The following NRG1 variants were observed in gnomAD, a reference collection of about 807,000 sequenced individuals.
NRG1 encodes pro-neuregulin-1, membrane-bound isoform.
In NRG1, 18 loss-of-function variants were observed where a neutral mutation model predicts 63.8. The observed-to-expected ratio is 0.28, with a 90% CI of 0.19 to 0.42. The LOEUF (loss-of-function observed/expected upper bound fraction) is 0.42. Ranked by LOEUF, NRG1 falls within the 10% of genes least tolerant of loss-of-function variation. The pLI, the probability that NRG1 is intolerant of heterozygous loss-of-function variation, is 1.00. For missense variants in NRG1, 762 were observed against 814.7 expected, an observed-to-expected ratio of 0.94 and a Z score of 0.79; for synonymous variants, 302 against 301.3, an observed-to-expected ratio of 1.00 and a Z score of -0.02.
At chr8:31,738,424 T>G (rs1814914576) in intron 1 of NRG1, among the ~76,000 whole-genome samples, 1 of 152,112 alleles carries the variant, frequency 6.6e-6, no homozygotes, top group Non-Finnish European at 1.5e-5. Flanking sequence ...ATGATAAAAA[T>G]CAAGGTATTT....
intron 1 of NRG1, among the ~76,000 whole-genome samples, chr8:31,881,052 C>A (rs1830308515): frequency 6.6e-6 from 1 of 152,120 alleles, no homozygotes; most frequent in African/African-American, 2.4e-5. Flanking sequence ...AACATTCATT[C>A]ATTCATTCAT....
At chr8:32,546,335 T>G (rs1481843899), upstream of NRG1, among the ~76,000 whole-genome samples, 1 of 152,116 alleles carries the variant, frequency 6.6e-6, no homozygotes, top group Non-Finnish European at 1.5e-5. Flanking sequence ...AAAATCTTAT[T>G]TTTTAAAAAA....
intron 6 of NRG1, among the ~76,000 whole-genome samples, chr8:32,730,951 C>T (rs1010215201): frequency 4.6e-5 from 7 of 152,092 alleles, no homozygotes; most frequent in African/African-American, 1.7e-4. Flanking sequence ...ATCTATGTCT[C>T]ATATTTTTAC....
At chr8:32,501,258 T>C (rs1240358579) in intron 1 of NRG1, among the ~76,000 whole-genome samples, 1 of 152,220 alleles carries the variant, frequency 6.6e-6, no homozygotes, top group Non-Finnish European at 1.5e-5. Flanking sequence ...TTTAAGATAA[T>C]AATGTGATAC....
intron 1 of NRG1, among the ~76,000 whole-genome samples, chr8:31,645,470 C>T (rs1421929521): frequency 6.6e-6 from 1 of 152,106 alleles, no homozygotes; most frequent in South Asian, 2.1e-4. Flanking sequence ...AAGACTTGCC[C>T]CCTGGATTTT....
intron 1 of NRG1, among the ~76,000 whole-genome samples, chr8:31,901,045 G>T (rs1239324925): frequency 6.6e-6 from 1 of 152,110 alleles, no homozygotes. Context: ...TTTTCTACTG[G>T]AAAGGTATCT....
Position 32,173,746 on chromosome 8 carries a change from G to A in NRG1, c.38-422082G>A, listed in dbSNP as rs543969587. ...ACAAAGATCAAAAGAGACAAAGAAG[G>A]CCATTACATAATGGTAAAGGGATCA... On this transcript the variant is annotated intron_variant, in intron 1 of 10. Transcript: ENST00000519301. 2.7e-4 allele frequency among the ~76,000 whole-genome samples: 41 copies of A among 152,252 alleles called. 1 individual carries two copies. The South Asian group carries it at 6.6e-3, about 25-fold the overall frequency.
intron 1 of NRG1, among the ~76,000 whole-genome samples, chr8:32,196,175 C>T (rs1374388827): frequency 2.0e-5 from 3 of 148,766 alleles, no homozygotes; most frequent in Non-Finnish European, 4.5e-5. Context: ...TTGATCTGTA[C>T]ACATACTTAC....
At chr8:32,224,399 T>A (rs1219457308) in intron 1 of NRG1, among the ~76,000 whole-genome samples, 1 of 152,188 alleles carries the variant, frequency 6.6e-6, no homozygotes. Flanking sequence ...GGAGTCTCAC[T>A]GACTACCTGT....
At chr8:31,653,558 G>T (rs1282839131) in intron 1 of NRG1, among the ~76,000 whole-genome samples, 1 of 152,180 alleles carries the variant, frequency 6.6e-6, no homozygotes, top group Non-Finnish European at 1.5e-5. Flanking sequence ...ATTTTTAATG[G>T]CCTTTCTATT....
Position 32,528,691 on chromosome 8 carries a change from T to C in NRG1, c.38-67137T>C, listed in dbSNP as rs141338559. The stretch of plus-strand genomic sequence containing the variant: ...TATATAATGTAAGGGGGTTTGGTTC[T>C]TGTCATATATAGAATACATATAGGT... On this transcript the variant is annotated intron_variant, in intron 1 of 10. Transcript: ENST00000519301. 5.7e-3 allele frequency among the ~76,000 whole-genome samples: 873 copies of C among 152,302 alleles called. 4 individuals are homozygous for C. The highest frequency in any genetic ancestry group is 0.02 in the African/African-American group (819 of 41,568).
chr8:32,698,295 G>T (rs566352575), intron 5 of NRG1, among the ~76,000 whole-genome samples: 1 of 152,034 alleles, frequency 6.6e-6, no homozygotes, highest in African/African-American at 2.4e-5. Flanking sequence ...CTTTTCTGTC[G>T]CATTCAAGGA....
chr8:32,111,435 T>A (rs1461440915), intron 1 of NRG1, among the ~76,000 whole-genome samples: 1 of 152,136 alleles, frequency 6.6e-6, no homozygotes, highest in Non-Finnish European at 1.5e-5. Context: ...AGCTATCTTT[T>A]TGCCACTCAT....
chr8:31,944,074 G>A (rs765322136), intron 1 of NRG1, among the ~76,000 whole-genome samples: 2 of 152,138 alleles, frequency 1.3e-5, no homozygotes, highest in Non-Finnish European at 2.9e-5. Context: ...TATTTGTCAT[G>A]TATGATTAGC....
At chr8:32,382,081 A>T (rs1810430727) in intron 1 of NRG1, among the ~76,000 whole-genome samples, 1 of 152,186 alleles carries the variant, frequency 6.6e-6, no homozygotes, top group Admixed American at 6.5e-5. Flanking sequence ...AATTTAGAAG[A>T]TACCATTCTA....
chr8:32,047,139 A>G (rs1563722178), intron 1 of NRG1, among the ~76,000 whole-genome samples: 2 of 151,850 alleles, frequency 1.3e-5, no homozygotes, highest in Non-Finnish European at 2.9e-5. Flanking sequence ...ATAATATACA[A>G]CCTCACCAAT....
intron 1 of NRG1, among the ~76,000 whole-genome samples, chr8:31,941,904 T>C (rs1009176256): frequency 2.0e-5 from 3 of 152,030 alleles, no homozygotes; most frequent in Non-Finnish European, 2.9e-5. Context: ...CACAAACAAA[T>C]GGAAACACAT....
chr8:31,843,925 A>G (rs1826433491), intron 1 of NRG1, among the ~76,000 whole-genome samples: 1 of 152,206 alleles, frequency 6.6e-6, no homozygotes, highest in African/African-American at 2.4e-5. Flanking sequence ...CTAGGGCTTC[A>G]TATTCAATAT....
chr8:32,276,489 G>A, intron 1 of NRG1, among the ~76,000 whole-genome samples: 1 of 152,060 alleles, frequency 6.6e-6, no homozygotes, highest in African/African-American at 2.4e-5. Flanking sequence ...TTTACTATGA[G>A]TGAAGTGGAA....
Sources: allele counts gnomAD v4.1 joint callset (sites outside exome capture counted in the v4.1 genomes callset), GRCh38; gene constraint gnomAD v4.1.1; transcripts MANE v1.5; gene names NCBI Gene and HGNC (gene_info 2026-07-23, HGNC 2026-07-21).